EP400: variants seen among roughly 807,000 people sequenced by gnomAD.
The protein encoded by EP400 is E1A binding protein p400, also known as E1A-binding protein p400.
EP400 carries 105 observed loss-of-function variants against 354.1 expected under a neutral mutation model. The ratio of observed to expected loss-of-function variants is 0.30; its 90% confidence interval spans 0.25 to 0.35. The LOEUF (loss-of-function observed/expected upper bound fraction) is 0.35. Ranked by LOEUF, EP400 falls within the 10% of genes least tolerant of loss-of-function variation. The probability of loss-of-function intolerance (pLI) is 1.00; values close to 1 mark genes in which losing one functional copy is unlikely to be tolerated. For synonymous variants in EP400, 1,646 were observed against 1,716.9 expected, an observed-to-expected ratio of 0.96 and a Z score of 1.02; for missense variants, 3,280 against 4,121.0, an observed-to-expected ratio of 0.80 and a Z score of 5.59.
intron 39 of EP400, among the ~76,000 whole-genome samples, chr12:132,047,415 G>A (rs909187607): frequency 9.9e-5 from 15 of 152,274 alleles, no homozygotes; most frequent in South Asian, 6.2e-4. Context: ...AGTGTTGGCC[G>A]GTCTGAGAAG....
chr12:131,955,082 A>C (rs73162973), intron 1 of EP400, among the ~76,000 whole-genome samples: 2,875 of 152,256 alleles, frequency 0.019, 47 homozygotes, highest in Non-Finnish European at 0.033. Context: ...TAGTCGTTAA[A>C]AATTTTTAAA....
Position 132,054,940 on chromosome 12 carries a change from G to C in EP400, c.7729-34G>C. On this transcript the variant is annotated intron_variant, in intron 43 of 52. Coordinates refer to ENST00000389561, the MANE Select transcript of EP400 (RefSeq NM_015409.5). The surrounding 1 kb of genome is among the most constrained non-coding windows in gnomAD (Gnocchi z 4.0). ...GGATTTATGCAGGGGAGAGCCTGACGTGAAATTCAAATGGATTTTTTTTTT... is the reference window on the plus strand; with the variant it reads ...GGATTTATGCAGGGGAGAGCCTGACCTGAAATTCAAATGGATTTTTTTTTT... 1 of 1,608,356 alleles carries C rather than the reference G, an allele frequency of 6.2e-7. No individual in the cohort carries two copies. Among genetic ancestry groups the C allele is most frequent in the Non-Finnish European group, 8.5e-7 (1 of 1,175,372 alleles).
chr12:132,037,293 C>G (rs903740713), intron 30 of EP400, among the ~76,000 whole-genome samples: 1 of 152,142 alleles, frequency 6.6e-6, no homozygotes, highest in East Asian at 1.9e-4. Context: ...TGAGTGTTAA[C>G]AAGCCAGTCT....
intron 32 of EP400, among the ~76,000 whole-genome samples, 154 bp from the exon 33 acceptor site, chr12:132,043,150 G>T (rs1894971470): frequency 6.6e-6 from 1 of 152,232 alleles, no homozygotes; most frequent in Non-Finnish European, 1.5e-5. Context: ...ATTTTCACCT[G>T]TAAGAGGACC....
rs1426516765 is a variant in EP400, at chr12:132,045,654, A to G, written c.7027-73A>G. The G allele has an allele frequency of 2.5e-6, 4 of 1,603,042 alleles. No individual in the cohort carries two copies. In the African/African-American group the frequency reaches 4.0e-5, roughly 16 times the overall value. ...AGCTCACTGTGATCACTTTGCAGGGAGTCTTTGGCAAGAGGGAAGACCTTC... is the reference window on the plus strand; with the variant it reads ...AGCTCACTGTGATCACTTTGCAGGGGGTCTTTGGCAAGAGGGAAGACCTTC... On this transcript the variant is annotated intron_variant, in intron 38 of 52. Transcript: ENST00000389561.
chr12:131,999,253 G>C (rs1893325525), intron 12 of EP400, among the ~76,000 whole-genome samples: 1 of 152,112 alleles, frequency 6.6e-6, no homozygotes. Context: ...CTGAGGATTT[G>C]CAGTGCGTGG....
Position 132,054,926 on chromosome 12 carries a change from G to GTT in EP400, c.7729-48_7729-47insTT. The GTT allele has an allele frequency of 6.3e-7, 1 of 1,586,828 alleles. No homozygotes were observed. Among genetic ancestry groups the GTT allele is most frequent in the East Asian group, 2.2e-5 (1 of 44,730 alleles). ...TGGAAGCCTTTGGAGGATTTATGCA[G>GTT]GGGAGAGCCTGACGTGAAATTCAAA... On this transcript the variant is annotated intron_variant, in intron 43 of 52. Coordinates refer to ENST00000389561, the MANE Select transcript of EP400 (RefSeq NM_015409.5). The surrounding 1 kb of genome is among the most constrained non-coding windows in gnomAD (Gnocchi z 4.0).
chr12:131,963,938 T>C (rs1280292532), intron 2 of EP400, among the ~76,000 whole-genome samples: 1 of 152,198 alleles, frequency 6.6e-6, no homozygotes, highest in African/African-American at 2.4e-5. Context: ...CCTTGTGTGC[T>C]GTGTTTTCAA....
rs60608267 is a variant in EP400, at chr12:132,062,592, A to AGC, written c.8225_8226insGC (p.Gln2743HisfsTer35). The stretch of plus-strand genomic sequence containing the variant: ...CAGCAGCAGCAGCAGCAGCAGCAGC[A>AGC]ACAGCAGCAGCAGCAACAGACGACG... On this transcript the variant is annotated frameshift_variant, in exon 47 of 53. Coordinates refer to ENST00000389561, the MANE Select transcript of EP400 (RefSeq NM_015409.5). LOFTEE classifies it high-confidence loss of function. 222 of 1,601,188 alleles carry AGC rather than the reference A, an allele frequency of 1.4e-4. No individual in the cohort carries two copies. The highest frequency in any genetic ancestry group is 8.3e-4 in the African/African-American group (61 of 73,896).
rs778740521 is a variant in EP400, at chr12:131,987,983, CTTTTTTTTTTTT to C, written c.2409+107_2409+118del. ...AGTGGTGGGGAGGTCTCCAGACCCACTTTTTTTTTTTTTTTTTTTTTTTTTCCCCCAGACAGG... is the reference window on the plus strand; with the variant it reads ...AGTGGTGGGGAGGTCTCCAGACCCACTTTTTTTTTTTTTCCCCCAGACAGG... On this transcript the variant is annotated intron_variant, in intron 7 of 52. Coordinates refer to ENST00000389561, the MANE Select transcript of EP400 (RefSeq NM_015409.5). 75 of 268,728 alleles carry C rather than the reference CTTTTTTTTTTTT, an allele frequency of 2.8e-4. 1 individual carries two copies. The highest frequency in any genetic ancestry group is 1.5e-3 in the South Asian group (13 of 8,744). The allele number at this position is 268,728 out of a possible 1,614,324, so 16.6% of individuals were successfully genotyped here.
At chr12:132,033,237 C>T (rs112623539) in intron 30 of EP400, among the ~76,000 whole-genome samples, 4,412 of 152,156 alleles carry the variant, frequency 0.029, 220 homozygotes, top group African/African-American at 0.099. Context: ...TGTGAGCCAC[C>T]GCGCCTGGCC....
chr12:132,000,334 G>A (rs1314570590), intron 12 of EP400, among the ~76,000 whole-genome samples: 1 of 152,112 alleles, frequency 6.6e-6, no homozygotes, highest in Non-Finnish European at 1.5e-5. Context: ...TCAGACAGAA[G>A]ATGTATGGGA....
chr12:132,042,811 G>C (rs1253078490), intron 32 of EP400, among the ~76,000 whole-genome samples: 1 of 152,224 alleles, frequency 6.6e-6, no homozygotes, highest in Non-Finnish European at 1.5e-5. Context: ...TGTCTTGTAT[G>C]TTCATAGTCA....
At chr12:132,008,860 TC>T (rs1893670302) in intron 15 of EP400, among the ~76,000 whole-genome samples, 1 of 149,896 alleles carries the variant, frequency 6.7e-6, no homozygotes, top group Non-Finnish European at 1.5e-5. Context: ...GCTCAAGTGA[TC>T]CACCCACCTC....
In EP400 at chr12:132,066,908, C is replaced by T. The variant is rs1307630472; in HGVS notation, c.8688C>T (p.Thr2896=). 2 of 1,611,916 alleles carry T rather than the reference C, an allele frequency of 1.2e-6. No homozygotes were observed. Among genetic ancestry groups the T allele is most frequent in the South Asian group, 2.2e-5 (2 of 90,776 alleles). ...PAAVVSSPGV[T]TLPMNVAGIS... ...CTGTGGTCTCCTCACCGGGAGTCAC[C>T]ACCCTGCCCATGAACGTCGCGGGGA... Residue 2896 remains threonine, a synonymous_variant, in exon 49 of 53, where the codon ACC becomes ACT. Transcript: ENST00000389561.
Position 132,050,892 on chromosome 12 carries a change from T to A in EP400, c.7394+237T>A. On this transcript the variant is annotated intron_variant, in intron 41 of 52. Transcript: ENST00000389561. This position sits in a 1 kb window ranked among gnomAD's most constrained non-coding sequence, Gnocchi z 4.8. ...AGGGATTGTCCTTGCTGGCCCTCAGTGGGGAAAGACGCTGACAGATGTGAT... is the reference window on the plus strand; with the variant it reads ...AGGGATTGTCCTTGCTGGCCCTCAGAGGGGAAAGACGCTGACAGATGTGAT... 1.7e-6 allele frequency: 1 copy of A among 587,778 alleles called. No individual in the cohort carries two copies. The highest frequency in any genetic ancestry group is 2.0e-5 in the South Asian group (1 of 49,618). The allele number at this position is 587,778 out of a possible 1,614,324, so 36.4% of individuals were successfully genotyped here. A position where few individuals can be genotyped will look rare whatever the true frequency, so the allele number is the denominator to read the frequency against.
rs915527616 is a variant in EP400 at position 132,027,447 on chromosome 12, G to A, written c.5025G>A (p.Pro1675=). The change falls in exon 26 of 53, where the codon CCG becomes CCA. Residue 1675 remains proline (P), a synonymous_variant. Transcript: ENST00000389561. This position sits in a 1 kb window ranked among gnomAD's most constrained non-coding sequence, Gnocchi z 4.9. ...TTTATGCATTTGTAGTTGGCGTTCC[G>A]GGCCGCGTGGCGGTGAATGCCTTGG... The part of the protein sequence containing the change: ...PAPLTPQVGV[P]GRVAVNALAV... The A allele has an allele frequency of 9.3e-6, 15 of 1,614,068 alleles. No individual in the cohort carries two copies. The East Asian group carries it at 1.1e-4, about 12-fold the overall frequency.
intron 19 of EP400, among the ~76,000 whole-genome samples, chr12:132,014,366 G>A (rs915617648): frequency 1.8e-4 from 27 of 152,140 alleles, no homozygotes; most frequent in African/African-American, 6.5e-4. Flanking sequence ...GGTGGAATGC[G>A]CCACGCAATG....
intron 12 of EP400, among the ~76,000 whole-genome samples, chr12:131,999,358 G>T (rs1046921398): frequency 1.3e-5 from 2 of 152,162 alleles, no homozygotes; most frequent in Non-Finnish European, 2.9e-5. Flanking sequence ...TGGACATAGT[G>T]TATAGGGTTC....
Sources: allele counts gnomAD v4.1 joint callset (sites outside exome capture counted in the v4.1 genomes callset), GRCh38; gene constraint gnomAD v4.1.1; non-coding constraint Gnocchi (gnomAD v3.1); transcripts MANE v1.5; gene names NCBI Gene and HGNC (gene_info 2026-07-23, HGNC 2026-07-21).